MARCHF6: variants seen among roughly 807,000 people sequenced by gnomAD.
MARCHF6 encodes membrane associated ring-CH-type finger 6.
MARCHF6 carries 31 observed loss-of-function variants against 133.7 expected under a neutral mutation model. The ratio of observed to expected loss-of-function variants is 0.23; its 90% CI spans 0.17 to 0.31. MARCHF6 has a LOEUF of 0.31. Ranked by LOEUF, MARCHF6 falls within the 10% of genes least tolerant of loss-of-function variation. The pLI, the probability that MARCHF6 is intolerant of heterozygous loss-of-function variation, is 1.00. For missense variants in MARCHF6, 723 were observed against 1,121.6 expected (o/e 0.64, Z 5.08); for synonymous variants, 395 against 402.5 (o/e 0.98, Z 0.22).
chr5:10,365,403 C>G (rs998549113), intron 1 of MARCHF6, among the ~76,000 whole-genome samples: 1 of 151,748 alleles, frequency 6.6e-6, no homozygotes, highest in Non-Finnish European at 1.5e-5. Context: ...CGGGTTCAAG[C>G]GATTCTCCTG....
At chr5:10,388,203 A>C (rs1437123820) in intron 5 of MARCHF6, among the ~76,000 whole-genome samples, 1 of 152,102 alleles carries the variant, frequency 6.6e-6, no homozygotes, top group Non-Finnish European at 1.5e-5. Context: ...CCAGAGGACC[A>C]CTGGAAGCCT....
At chr5:10,371,317 A>G (rs540721545) in intron 1 of MARCHF6, among the ~76,000 whole-genome samples, 8 of 151,798 alleles carry the variant, frequency 5.3e-5, no homozygotes, top group African/African-American at 1.9e-4. Context: ...GAGTGCTTAG[A>G]ACTGTGTGTA....
chr5:10,357,664 G>GC (rs957737715), intron 1 of MARCHF6, among the ~76,000 whole-genome samples: 3 of 152,150 alleles, frequency 2.0e-5, no homozygotes, highest in Non-Finnish European at 4.4e-5. Context: ...GATGTCTGCT[G>GC]CATGTTTCTT....
At chr5:10,360,104 A>G (rs930618835) in intron 1 of MARCHF6, among the ~76,000 whole-genome samples, 1 of 145,458 alleles carries the variant, frequency 6.9e-6, no homozygotes, top group African/African-American at 2.6e-5. Flanking sequence ...GTAGTTTTCC[A>G]TTAGTAGTTT....
In MARCHF6 at chr5:10,365,528, G is replaced by T. The variant is rs527926998; in HGVS notation, c.19+11611G>T. 2.4e-3 allele frequency among the ~76,000 whole-genome samples: 363 copies of T among 152,092 alleles called. 1 individual carries two copies. The highest frequency in any genetic ancestry group is 4.0e-3 in the Non-Finnish European group (275 of 67,988). On this transcript the variant is annotated intron_variant, in intron 1 of 25. Transcript: ENST00000274140. Reference sequence around the variant, plus strand: ...TTGGTCAGGTTGGTCATGAACTGCCGACCTCAGGTGATCCGCCCACCTCAG... The same window carrying T: ...TTGGTCAGGTTGGTCATGAACTGCCTACCTCAGGTGATCCGCCCACCTCAG...
intron 24 of MARCHF6, among the ~76,000 whole-genome samples, chr5:10,428,938 A>G (rs1420988459): frequency 6.6e-6 from 1 of 152,206 alleles, no homozygotes; most frequent in Non-Finnish European, 1.5e-5. Flanking sequence ...TAGATGCTTT[A>G]TGTAATTCTT....
intron 1 of MARCHF6, among the ~76,000 whole-genome samples, chr5:10,375,059 C>T (rs1033127838): frequency 3.3e-5 from 5 of 152,250 alleles, no homozygotes; most frequent in Non-Finnish European, 5.9e-5. Context: ...ACTTTGGCGG[C>T]ACTTGAGGAG....
chr5:10,380,181 G>A (rs1737046205), intron 3 of MARCHF6, among the ~76,000 whole-genome samples: 2 of 151,694 alleles, frequency 1.3e-5, no homozygotes, highest in South Asian at 4.2e-4. Flanking sequence ...GTGTGTGTGT[G>A]TGTGTGTGTG....
At chr5:10,402,856 A>C (rs1738627078) in intron 14 of MARCHF6, among the ~76,000 whole-genome samples, 1 of 152,148 alleles carries the variant, frequency 6.6e-6, no homozygotes, top group Non-Finnish European at 1.5e-5. Context: ...TTTATTGCCC[A>C]TTTTGCTGTC....
At chr5:10,390,917 T>C (rs1158593814) in intron 6 of MARCHF6, among the ~76,000 whole-genome samples, 2 of 152,206 alleles carry the variant, frequency 1.3e-5, no homozygotes, top group Admixed American at 1.3e-4. Context: ...AGAATGTTTT[T>C]AAGAGAGCCA....
chr5:10,400,106 A>T (rs2126756856), intron 10 of MARCHF6, among the ~76,000 whole-genome samples: 1 of 152,314 alleles, frequency 6.6e-6, no homozygotes, highest in South Asian at 2.1e-4. Context: ...TTATCACTGG[A>T]TTCAGCTGAT....
intron 21 of MARCHF6, among the ~76,000 whole-genome samples, chr5:10,417,014 G>C (rs142406355): frequency 6.6e-6 from 1 of 152,168 alleles, no homozygotes; most frequent in Non-Finnish European, 1.5e-5. Context: ...TTGGCCAGTC[G>C]GTAGCTTTTC....
rs752180565 is a variant in MARCHF6, at chr5:10,390,473, C to CA, written c.551dup (p.Asn184LysfsTer9). On this transcript the variant is annotated frameshift_variant, in exon 6 of 26. Coordinates refer to ENST00000274140, the MANE Select transcript of MARCHF6 (RefSeq NM_005885.4). LOFTEE classifies it high-confidence loss of function. ...GGTTGGAGCATGCTGCCCCACCGTT[C>CA]AATGCTGCGGGGCATCACCAAAATG... The CA allele has an allele frequency of 6.2e-7, 1 of 1,613,988 alleles. No individual in the cohort carries two copies.
intron 8 of MARCHF6, 89 bp from the exon 9 acceptor site, chr5:10,394,664 T>C (rs1418186594): frequency 2.1e-6 from 2 of 970,474 alleles, no homozygotes; most frequent in Non-Finnish European, 3.2e-6. Context: ...TGTTTAAAGA[T>C]ATTGAAAGGA....
chr5:10,404,189 T>G (rs1738734104), intron 15 of MARCHF6, among the ~76,000 whole-genome samples: 1 of 151,940 alleles, frequency 6.6e-6, no homozygotes, highest in African/African-American at 2.4e-5. Context: ...TGCTTGAACC[T>G]CCCAAGTAGC....
At chr5:10,418,503 C>T (rs752920032) in intron 22 of MARCHF6, among the ~76,000 whole-genome samples, 1 of 151,810 alleles carries the variant, frequency 6.6e-6, no homozygotes, top group Non-Finnish European at 1.5e-5. Context: ...AGGTTTTTAA[C>T]ATCATAGAAT....
chr5:10,390,377 G>A lies in MARCHF6; in HGVS notation c.453G>A (p.Thr151=), dbSNP rs749247806. ...GTTTGCAGGGTTGTTTTGTGGTGAC[G>A]TGCACACTGTGTGCATTCATCAGCC... ...ADCLQGCFVV[T]CTLCAFISLV... is the part of the protein sequence containing the mutation. Residue 151 remains threonine, a synonymous_variant, in exon 6 of 26, where the codon ACG becomes ACA. Coordinates refer to ENST00000274140, the MANE Select transcript of MARCHF6 (RefSeq NM_005885.4). 30 of 1,613,384 alleles carry A rather than the reference G, an allele frequency of 1.9e-5. No homozygotes were observed. Among genetic ancestry groups the A allele is most frequent in the Middle Eastern group, 1.6e-4 (1 of 6,082 alleles).
In MARCHF6 at chr5:10,402,548, G is replaced by T. The variant is rs1258451475; in HGVS notation, c.1138G>T (p.Val380Leu). The part of the protein sequence containing the change: ...YIVVKVSLLV[V>L]VEIGVFPLIC... The stretch of plus-strand genomic sequence containing the variant: ...TTCACTTAAGGTCTCTTTGTTAGTG[G>T]TGGTAGAAATTGGAGTATTCCCTCT... The change falls in exon 14 of 26, where the codon GTG becomes TTG. Residue 380 changes from valine to leucine, a missense_variant. Coordinates refer to ENST00000274140, the MANE Select transcript of MARCHF6 (RefSeq NM_005885.4). 6.2e-7 allele frequency: 1 copy of T among 1,613,784 alleles called. No homozygotes were observed. The highest frequency in any genetic ancestry group is 8.5e-7 in the Non-Finnish European group (1 of 1,179,888).
intron 24 of MARCHF6, among the ~76,000 whole-genome samples, chr5:10,428,641 G>A (rs538647343): frequency 7.2e-5 from 11 of 151,982 alleles, no homozygotes; most frequent in Non-Finnish European, 1.2e-4. Context: ...CACACCCAGC[G>A]CATTGCTTAT....
Sources: gnomAD v4.1 joint callset for allele counts (sites outside exome capture counted in the v4.1 genomes callset) on GRCh38, gnomAD v4.1.1 for gene constraint, MANE v1.5 for transcripts, NCBI Gene and HGNC (gene_info 2026-07-23, HGNC 2026-07-21) for gene names.